The following ANK2 variants were observed in gnomAD, a reference collection of about 807,000 sequenced individuals.
ANK2 encodes ankyrin 2, also known as ankyrin-2.
ANK2 carries 83 observed loss-of-function variants against 360.5 expected under a neutral mutation model. The ratio of observed to expected loss-of-function variants is 0.23; its 90% CI spans 0.19 to 0.28. The LOEUF is 0.28. ANK2 is among the 10% of genes least tolerant of loss of function. ANK2 has a pLI of 1.00. For missense variants in ANK2, 4,201 were observed against 4,795.7 expected (o/e 0.88, Z 3.66); for synonymous variants, 1,740 against 1,759.5 (o/e 0.99, Z 0.28).
At chr4:112,794,787 CT>C in the ANK2 span, among the ~76,000 whole-genome samples, 1 of 152,290 alleles carries the variant, frequency 6.6e-6, no homozygotes, top group South Asian at 2.1e-4. Flanking sequence ...TCTCATTTGC[CT>C]GCCAACATAA....
intron 24 of ANK2, 76 bp downstream of exon 24, chr4:113,311,475 A>G: frequency 6.4e-7 from 1 of 1,550,938 alleles, no homozygotes; most frequent in Non-Finnish European, 8.8e-7. Flanking sequence ...ATAAAAATGT[A>G]GATGCAATTA....
At position 113,292,660 on chromosome 4, in the gene ANK2, G is replaced by A. The variant is rs948872057; in HGVS notation, c.2376+146G>A. 4.3e-6 allele frequency: 4 copies of A among 920,582 alleles called. No individual in the cohort carries two copies. In the African/African-American group the frequency reaches 6.6e-5, roughly 15 times the overall value. 57.0% of individuals were successfully genotyped at this position (920,582 alleles called of 1,614,324 possible). ...TGGAAAGCCCCAGATTTTTGGGCAG[G>A]CTTTCCAGAAGTCAGTGTGACTTCC... On this transcript the variant is annotated intron_variant, in intron 21 of 45. Coordinates refer to ENST00000357077, the MANE Select transcript of ANK2 (RefSeq NM_001148.6).
At chr4:112,974,983 G>T (rs187073523) in intron 2 of ANK2, among the ~76,000 whole-genome samples, 1 of 152,238 alleles carries the variant, frequency 6.6e-6, no homozygotes, top group African/African-American at 2.4e-5. Flanking sequence ...TTTCAAATGG[G>T]TTAACTCTAG....
At chr4:113,032,021 G>A (rs1411153537) in intron 2 of ANK2, among the ~76,000 whole-genome samples, 1 of 151,936 alleles carries the variant, frequency 6.6e-6, no homozygotes, top group Non-Finnish European at 1.5e-5. Context: ...GCCCAATCGA[G>A]TACTTTAGAC....
intron 1 of ANK2, among the ~76,000 whole-genome samples, chr4:112,895,709 A>G (rs2081531172): frequency 1.3e-5 from 2 of 152,214 alleles, no homozygotes; most frequent in South Asian, 2.1e-4. Context: ...AAGCAACTTC[A>G]TTACATAGTT....
chr4:112,805,209 T>C, the ANK2 span, among the ~76,000 whole-genome samples: 3 of 151,980 alleles, frequency 2.0e-5, no homozygotes, highest in Non-Finnish European at 2.9e-5. Flanking sequence ...AAAAGTCAAA[T>C]GAAAGACACG....
At position 113,379,220 on chromosome 4, in the gene ANK2, T is replaced by G. The variant is rs898484210; in HGVS notation, c.11860-2237T>G. Among the ~76,000 whole-genome samples, 3 of 152,284 alleles carry G rather than the reference T, an allele frequency of 2.0e-5. No homozygotes were observed. In the South Asian group the frequency reaches 6.2e-4, roughly 32 times the overall value. The stretch of plus-strand genomic sequence containing the variant: ...ACTTTTAAGTCTTTTATTCAATTAT[T>G]CAGATGAAACCACATAATCCACGCA... On this transcript the variant is annotated intron_variant, in intron 45 of 45. Coordinates refer to ENST00000357077, the MANE Select transcript of ANK2 (RefSeq NM_001148.6).
intron 2 of ANK2, among the ~76,000 whole-genome samples, chr4:113,001,166 A>T (rs2050498890): frequency 6.6e-6 from 1 of 152,204 alleles, no homozygotes; most frequent in Non-Finnish European, 1.5e-5. Context: ...CCCTGGCTCT[A>T]CTAAAAAGAC....
intron 1 of ANK2, among the ~76,000 whole-genome samples, chr4:113,144,469 T>C (rs1431695122): frequency 6.6e-6 from 1 of 152,024 alleles, no homozygotes; most frequent in Non-Finnish European, 1.5e-5. Context: ...AATGACATAT[T>C]GGAAAGGAAA....
intron 1 of ANK2, chr4:112,826,845 T>C: frequency 7.4e-7 from 1 of 1,355,588 alleles, no homozygotes; most frequent in Non-Finnish European, 1.0e-6. Flanking sequence ...TGGAACAATA[T>C]GCTTCAGGGA....
chr4:113,219,600 A>G (rs2099126999), intron 4 of ANK2, among the ~76,000 whole-genome samples: 1 of 152,118 alleles, frequency 6.6e-6, no homozygotes, highest in African/African-American at 2.4e-5. Flanking sequence ...CACTTGCAAG[A>G]GCAGATTTAC....
chr4:113,124,582 C>T (rs2095551509), intron 1 of ANK2, among the ~76,000 whole-genome samples: 1 of 152,124 alleles, frequency 6.6e-6, no homozygotes, highest in Admixed American at 6.6e-5. Context: ...CCAGAGCAGT[C>T]AGAAAGGGAT....
intron 2 of ANK2, chr4:113,034,759 G>A (rs1466632335): frequency 6.6e-6 from 1 of 151,900 alleles, no homozygotes; most frequent in Non-Finnish European, 1.5e-5. Context: ...GGGAAATGTA[G>A]TTTGGTAACA....
intron 1 of ANK2, chr4:113,146,148 T>C (rs2096827105): frequency 1.1e-6 from 1 of 893,374 alleles, no homozygotes; most frequent in African/African-American, 1.8e-5. Context: ...CTACCTCTGA[T>C]CAAGTGGCAT....
Position 113,214,430 on chromosome 4 carries a change from T to C in ANK2, c.384+15321T>C, listed in dbSNP as rs1018909625. 7.3e-5 allele frequency: 62 copies of C among 854,352 alleles called. 7 individuals carry two copies. Among genetic ancestry groups the C allele is most frequent in the Non-Finnish European group, 6.3e-5 (32 of 509,676 alleles). 52.9% of individuals were successfully genotyped at this position (854,352 alleles called of 1,614,324 possible). On this transcript the variant is annotated intron_variant, in intron 4 of 45. Transcript: ENST00000357077. ...GGACCGGAGAGAGGAGCCAAAATGC[T>C]GTTTTATACAGAAGTTATGATTATT...
chr4:113,335,601 C>T (rs2093419035), intron 29 of ANK2, among the ~76,000 whole-genome samples: 1 of 152,110 alleles, frequency 6.6e-6, no homozygotes, highest in South Asian at 2.1e-4. Context: ...TTCTCAGTGA[C>T]CTGGAAAGTC....
intron 1 of ANK2, among the ~76,000 whole-genome samples, chr4:113,112,365 T>A (rs1353107416): frequency 1.3e-5 from 2 of 152,184 alleles, no homozygotes; most frequent in Non-Finnish European, 2.9e-5. Context: ...TGTTGCACAC[T>A]CATCTTTGTC....
At chr4:113,178,555 G>A (rs2098302921) in intron 2 of ANK2, among the ~76,000 whole-genome samples, 1 of 143,040 alleles carries the variant, frequency 7.0e-6, no homozygotes, top group Non-Finnish European at 1.5e-5. Flanking sequence ...CTGCGCGATA[G>A]AGTGAGACTC....
rs117131623 is a variant in ANK2, at chr4:112,973,714, A to C, written c.21+69200A>C. Among the ~76,000 whole-genome samples the C allele has an allele frequency of 4.4e-4, 67 of 152,268 alleles. No individual in the cohort carries two copies. The East Asian group carries it at 7.9e-3, about 18-fold the overall frequency. ...TGCAGATGCAAGGCCACTTCTAGCT[A>C]TTGTTTCTTCAGTCCAAATGGTCAT... On this transcript the variant is annotated intron_variant, in intron 2 of 30. Coordinates refer to the ANK2 transcript ENST00000503271.
Sources: allele counts gnomAD v4.1 joint callset (sites outside exome capture counted in the v4.1 genomes callset), GRCh38; gene constraint gnomAD v4.1.1; transcripts MANE v1.5; gene names NCBI Gene and HGNC (gene_info 2026-07-23, HGNC 2026-07-21).